RIT2: variants seen among roughly 807,000 people sequenced by gnomAD.
RIT2 encodes the protein GTP-binding protein Rit2.
Under a neutral mutation model 23.7 loss-of-function variants are expected in RIT2, and 24 were observed. The observed-to-expected ratio is 1.01, with a 90% CI of 0.73 to 1.43. RIT2 has a LOEUF of 1.43. RIT2 is among the 40% of genes most tolerant of loss of function. The probability of loss-of-function intolerance (pLI) is 0.00; values close to 1 mark genes in which losing one functional copy is unlikely to be tolerated. For missense variants in RIT2, 236 were observed against 266.9 expected, an observed-to-expected ratio of 0.88 and a Z score of 0.81; for synonymous variants, 107 against 91.1, an observed-to-expected ratio of 1.17 and a Z score of -0.99.
At chr18:42,895,852 T>A (rs1330885105) in intron 4 of RIT2, among the ~76,000 whole-genome samples, 5 of 152,194 alleles carry the variant, frequency 3.3e-5, no homozygotes, top group African/African-American at 1.2e-4. Flanking sequence ...AAATCATGAA[T>A]AGGCATTCAA....
intron 4 of RIT2, among the ~76,000 whole-genome samples, chr18:42,849,006 G>C (rs181863941): frequency 1.4e-4 from 21 of 152,144 alleles, no homozygotes; most frequent in African/African-American, 5.1e-4. Flanking sequence ...TTTAAAAAAC[G>C]ATTTTATATG....
At chr18:43,027,600 T>C (rs958963203) in intron 2 of RIT2, among the ~76,000 whole-genome samples, 2 of 151,916 alleles carry the variant, frequency 1.3e-5, no homozygotes, top group Non-Finnish European at 2.9e-5. Context: ...ATGTTTCCAT[T>C]GTCTAAGTAA....
chr18:42,913,194 A>C (rs1394640088), intron 4 of RIT2, among the ~76,000 whole-genome samples: 2 of 140,572 alleles, frequency 1.4e-5, no homozygotes, highest in Admixed American at 7.1e-5. Context: ...ACCATCCATC[A>C]GCCAAAAAAA....
chr18:43,015,565 A>C (rs187133964), intron 2 of RIT2, among the ~76,000 whole-genome samples: 2 of 151,898 alleles, frequency 1.3e-5, no homozygotes, highest in African/African-American at 4.8e-5. Context: ...ATAGCAAATA[A>C]AAACATGATA....
At chr18:42,986,974 G>T (rs796499891) in intron 2 of RIT2, among the ~76,000 whole-genome samples, 6 of 152,250 alleles carry the variant, frequency 3.9e-5, no homozygotes, top group African/African-American at 1.4e-4. Flanking sequence ...TCAAATAATG[G>T]AGAGTTTGTG....
chr18:42,919,558 A>G (rs1016514250), intron 4 of RIT2, among the ~76,000 whole-genome samples: 6 of 151,100 alleles, frequency 4.0e-5, no homozygotes, highest in Non-Finnish European at 8.9e-5. Context: ...TACTAAAAAT[A>G]CAAAAATTAG....
At chr18:42,958,216 T>C (rs890253750) in intron 3 of RIT2, among the ~76,000 whole-genome samples, 4 of 152,232 alleles carry the variant, frequency 2.6e-5, no homozygotes, top group Admixed American at 1.3e-4. Context: ...TTGCTAGATA[T>C]AGAATTCTGT....
Position 43,030,097 on chromosome 18 carries a change from AC to A in RIT2, c.160+3713del, listed in dbSNP as rs1911820238. On this transcript the variant is annotated intron_variant, in intron 2 of 4. Coordinates refer to ENST00000326695, the MANE Select transcript of RIT2 (RefSeq NM_002930.4). ...TTAGGTCTGGGATACACTAGTAATA[AC>A]ATATTGGGCATTTTTAACCTTTATG... Among the ~76,000 whole-genome samples, 3 of 152,080 alleles carry A rather than the reference AC, an allele frequency of 2.0e-5. No individual in the cohort carries two copies. In the South Asian group the frequency reaches 6.2e-4, roughly 31 times the overall value.
intron 4 of RIT2, among the ~76,000 whole-genome samples, chr18:42,888,374 C>T (rs1292354061): frequency 6.6e-6 from 1 of 151,768 alleles, no homozygotes; most frequent in Non-Finnish European, 1.5e-5. Flanking sequence ...TGTTTCTTCC[C>T]ACTAATGGTA....
chr18:42,856,825 C>CTTTTTTTT lies in RIT2; in HGVS notation c.426+66746_426+66747insAAAAAAAA, dbSNP rs760595125. Among the ~76,000 whole-genome samples the CTTTTTTTT allele has an allele frequency of 5.8e-3, 745 of 127,630 alleles. 24 individuals are homozygous for CTTTTTTTT. Among genetic ancestry groups the CTTTTTTTT allele is most frequent in the African/African-American group, 0.023 (699 of 30,488 alleles). 83.7% of individuals were successfully genotyped at this position (127,630 alleles called of 152,430 possible). On this transcript the variant is annotated intron_variant, in intron 4 of 4. Transcript: ENST00000326695. ...AGAAGTCTTTTTCTTTTCTCTCTCT[C>CTTTTTTTT]TCTTTTTTTTTTTTTTTTTTTTGAG...
At chr18:42,942,558 C>T (rs117215744) in intron 3 of RIT2, among the ~76,000 whole-genome samples, 24 of 152,218 alleles carry the variant, frequency 1.6e-4, no homozygotes, top group East Asian at 1.6e-3. Context: ...ATCTGGCCAC[C>T]GTCTGCGTGG....
At chr18:42,866,123 G>A (rs1907463046) in intron 4 of RIT2, among the ~76,000 whole-genome samples, 1 of 152,160 alleles carries the variant, frequency 6.6e-6, no homozygotes, top group African/African-American at 2.4e-5. Context: ...CCTTGGACCT[G>A]AGTGGGTGTT....
chr18:43,042,992 T>G (rs1452033288), intron 1 of RIT2, among the ~76,000 whole-genome samples: 1 of 152,216 alleles, frequency 6.6e-6, no homozygotes, highest in Non-Finnish European at 1.5e-5. Flanking sequence ...CTTGTTCATA[T>G]AGTTTATAAA....
chr18:43,029,657 A>T (rs1281690040), intron 2 of RIT2, among the ~76,000 whole-genome samples: 1 of 152,086 alleles, frequency 6.6e-6, no homozygotes, highest in Non-Finnish European at 1.5e-5. Context: ...TCAATGAAAA[A>T]GGAATTCTTT....
At chr18:42,907,399 A>G (rs568983025) in intron 4 of RIT2, among the ~76,000 whole-genome samples, 1 of 152,026 alleles carries the variant, frequency 6.6e-6, no homozygotes, top group Middle Eastern at 3.4e-3. Flanking sequence ...AAAAGAAGAC[A>G]TTGTAATTTA....
intron 1 of RIT2, among the ~76,000 whole-genome samples, chr18:43,082,209 A>G (rs962300919): frequency 8.5e-5 from 13 of 152,204 alleles, no homozygotes; most frequent in African/African-American, 3.1e-4. Flanking sequence ...TCTGTAATGT[A>G]GTTTTTATTT....
chr18:43,098,478 T>C (rs993675924), intron 1 of RIT2, among the ~76,000 whole-genome samples: 1 of 151,892 alleles, frequency 6.6e-6, no homozygotes. Flanking sequence ...GGGATGTAAA[T>C]AATAAATGCT....
chr18:42,965,648 A>T (rs920331488), intron 3 of RIT2, among the ~76,000 whole-genome samples: 1 of 150,618 alleles, frequency 6.6e-6, no homozygotes, highest in Non-Finnish European at 1.5e-5. Context: ...AAAATATCGT[A>T]AAGGATATAA....
At chr18:42,852,565 G>A (rs921587907) in intron 4 of RIT2, among the ~76,000 whole-genome samples, 1 of 152,074 alleles carries the variant, frequency 6.6e-6, no homozygotes. Flanking sequence ...TGAGAGACAG[G>A]GAGTAGAGTC....
Sources: gnomAD v4.1 joint callset for allele counts (sites outside exome capture counted in the v4.1 genomes callset) on GRCh38, gnomAD v4.1.1 for gene constraint, MANE v1.5 for transcripts, NCBI Gene and HGNC (gene_info 2026-07-23, HGNC 2026-07-21) for gene names.